The following MAN1A2 variants were observed in gnomAD, a reference collection of about 807,000 sequenced individuals.
MAN1A2 encodes the protein mannosyl-oligosaccharide 1,2-alpha-mannosidase IB.
Under a neutral mutation model 75.7 loss-of-function variants are expected in MAN1A2, and 26 were observed. The ratio of observed to expected loss-of-function variants is 0.34; its 90% CI spans 0.25 to 0.48. The LOEUF (loss-of-function observed/expected upper bound fraction) is 0.48, where lower values mean the gene tolerates loss of function less well. MAN1A2 is among the 20% of genes least tolerant of loss of function. The probability of loss-of-function intolerance (pLI) is 0.99; values close to 1 mark genes in which losing one functional copy is unlikely to be tolerated. For missense variants in MAN1A2, 562 were observed against 775.5 expected, an observed-to-expected ratio of 0.72 and a Z score of 3.27; for synonymous variants, 247 against 264.6, an observed-to-expected ratio of 0.93 and a Z score of 0.65.
chr1:117,511,493 T>TA (rs1042371573), intron 12 of MAN1A2, among the ~76,000 whole-genome samples: 12 of 152,092 alleles, frequency 7.9e-5, no homozygotes, highest in African/African-American at 2.9e-4. Context: ...TTTTTTTTTT[T>TA]AATCTATCTT....
At chr1:117,500,419 G>A (rs1472798094) in intron 11 of MAN1A2, among the ~76,000 whole-genome samples, 1 of 151,808 alleles carries the variant, frequency 6.6e-6, no homozygotes, top group Non-Finnish European at 1.5e-5. Flanking sequence ...TGACTTTTGA[G>A]AATTCCTTAC....
At chr1:117,369,965 C>G (rs1158360191) in intron 1 of MAN1A2, among the ~76,000 whole-genome samples, 1 of 152,062 alleles carries the variant, frequency 6.6e-6, no homozygotes, top group Non-Finnish European at 1.5e-5. Context: ...CTGTCATGTA[C>G]TAAGCAGTTT....
At position 117,368,306 on chromosome 1, in the gene MAN1A2, T is replaced by C; in HGVS notation, c.123T>C (p.Leu41=). The change falls in exon 1 of 13, where the codon CTT becomes CTC. Residue 41 remains leucine, a synonymous_variant. Coordinates refer to ENST00000356554, the MANE Select transcript of MAN1A2 (RefSeq NM_006699.5). ...TTTCTGAGAAGTTTATTCTTCTCCT[T>C]ATTCTTAGTGCCTTCATCACTCTGT... ...LRLSEKFILL[L]ILSAFITLCF... is the part of the protein sequence containing the mutation. 1 of 1,614,160 alleles carries C rather than the reference T, an allele frequency of 6.2e-7. No individual in the cohort carries two copies. The highest frequency in any genetic ancestry group is 8.5e-7 in the Non-Finnish European group (1 of 1,180,008).
intron 8 of MAN1A2, among the ~76,000 whole-genome samples, chr1:117,483,801 T>A (rs898179879): frequency 6.6e-6 from 1 of 152,076 alleles, no homozygotes; most frequent in Admixed American, 6.6e-5. Flanking sequence ...GAGGGCATCC[T>A]TGTCTTGTGC....
intron 1 of MAN1A2, among the ~76,000 whole-genome samples, chr1:117,379,692 T>C (rs538663107): frequency 9.2e-5 from 14 of 152,280 alleles, no homozygotes; most frequent in African/African-American, 3.1e-4. Flanking sequence ...TCTATAGATT[T>C]ACATGCTCTC....
chr1:117,370,738 AGTGT>A lies in MAN1A2; in HGVS notation c.302+2280_302+2283del, dbSNP rs71658400. Among the ~76,000 whole-genome samples the A allele has an allele frequency of 4.9e-3, 726 of 148,292 alleles. 4 individuals are homozygous for A. Among genetic ancestry groups the A allele is most frequent in the African/African-American group, 0.016 (652 of 40,316 alleles). ...ACAAATTGACAGTTTATCTTCATTTAGTGTGTGTGTGTGTGTGTGTGTGTGTGTG... is the reference window on the plus strand; with the variant it reads ...ACAAATTGACAGTTTATCTTCATTTAGTGTGTGTGTGTGTGTGTGTGTGTG... On this transcript the variant is annotated intron_variant, in intron 1 of 12. Coordinates refer to ENST00000356554, the MANE Select transcript of MAN1A2 (RefSeq NM_006699.5).
At chr1:117,460,105 A>C (rs972561468) in intron 6 of MAN1A2, among the ~76,000 whole-genome samples, 2 of 151,650 alleles carry the variant, frequency 1.3e-5, no homozygotes, top group Non-Finnish European at 1.5e-5. Flanking sequence ...TTATGAACTG[A>C]TATGGAAAGA....
At chr1:117,448,800 A>G (rs1649317204) in intron 6 of MAN1A2, among the ~76,000 whole-genome samples, 1 of 152,174 alleles carries the variant, frequency 6.6e-6, no homozygotes, top group Non-Finnish European at 1.5e-5. Context: ...GGAGTGGCAG[A>G]AAAACTACAA....
rs191339785 is a variant in MAN1A2 at position 117,417,688 on chromosome 1, G to A, written c.774+2857G>A. Among the ~76,000 whole-genome samples, 41 of 116,704 alleles carry A rather than the reference G, an allele frequency of 3.5e-4. No individual in the cohort carries two copies. In the South Asian group the frequency reaches 6.9e-3, roughly 20 times the overall value. The allele number at this position is 116,704 out of a possible 152,430, so 76.6% of individuals were successfully genotyped here. A position where few individuals can be genotyped will look rare whatever the true frequency, so the allele number is the denominator to read the frequency against. On this transcript the variant is annotated intron_variant, in intron 4 of 12. Transcript: ENST00000356554. ...CTTTAAGGGTAACTCCAAAGTAGGC[G>A]TGCACACACACACACACACTCTCTC...
At chr1:117,483,357 C>A (rs1650561805) in intron 8 of MAN1A2, among the ~76,000 whole-genome samples, 2 of 152,066 alleles carry the variant, frequency 1.3e-5, no homozygotes, top group Non-Finnish European at 2.9e-5. Context: ...GATAGTGGTT[C>A]TTCCTATCAA....
At chr1:117,448,546 A>G (rs1250246800) in intron 6 of MAN1A2, among the ~76,000 whole-genome samples, 1 of 152,218 alleles carries the variant, frequency 6.6e-6, no homozygotes. Flanking sequence ...TGGAACTTCT[A>G]AAGGTGAGAA....
At chr1:117,472,948 A>G (rs1345036433) in intron 8 of MAN1A2, among the ~76,000 whole-genome samples, 1 of 151,962 alleles carries the variant, frequency 6.6e-6, no homozygotes, top group African/African-American at 2.4e-5. Flanking sequence ...TGTAGAGGTC[A>G]GTCCTCCATT....
At chr1:117,385,938 T>A (rs1653511126) in intron 1 of MAN1A2, among the ~76,000 whole-genome samples, 1 of 152,210 alleles carries the variant, frequency 6.6e-6, no homozygotes, top group Admixed American at 6.5e-5. Flanking sequence ...GGATACTGGA[T>A]GTGTCTGCTT....
chr1:117,486,655 T>C (rs1361296757), intron 8 of MAN1A2, among the ~76,000 whole-genome samples: 1 of 151,936 alleles, frequency 6.6e-6, no homozygotes, highest in Non-Finnish European at 1.5e-5. Context: ...ATAAAATTGA[T>C]TTAATAAAGT....
chr1:117,443,242 T>C (rs1221846806), intron 6 of MAN1A2, among the ~76,000 whole-genome samples: 2 of 152,210 alleles, frequency 1.3e-5, no homozygotes, highest in Non-Finnish European at 2.9e-5. Flanking sequence ...TGAAGAACTT[T>C]ATTGAGTTTA....
chr1:117,416,775 G>A (rs1200632019), intron 4 of MAN1A2, among the ~76,000 whole-genome samples: 4 of 152,130 alleles, frequency 2.6e-5, no homozygotes, highest in Non-Finnish European at 5.9e-5. Context: ...GGGCTCTATG[G>A]AACTGGTACC....
intron 7 of MAN1A2, among the ~76,000 whole-genome samples, chr1:117,465,662 C>T (rs71668698): frequency 6.6e-6 from 1 of 152,090 alleles, no homozygotes; most frequent in African/African-American, 2.4e-5. Flanking sequence ...CATAACACCT[C>T]CTCCCACCTC....
In MAN1A2 at chr1:117,429,586, C is replaced by A. The variant is rs1258552504; in HGVS notation, c.855+8937C>A. 3.9e-3 allele frequency among the ~76,000 whole-genome samples: 372 copies of A among 94,718 alleles called. 4 individuals are homozygous for A. Among genetic ancestry groups the A allele is most frequent in the South Asian group, 0.016 (45 of 2,766 alleles). The allele number at this position is 94,718 out of a possible 152,430, so 62.1% of individuals were successfully genotyped here. On this transcript the variant is annotated intron_variant, in intron 5 of 12. Coordinates refer to ENST00000356554, the MANE Select transcript of MAN1A2 (RefSeq NM_006699.5). Reference sequence around the variant, plus strand: ...GCGGCTGGCCGGGCGGGGGGCTGACCCCCCCACCTCCCTCCCGGATGGGGC... The same window carrying A: ...GCGGCTGGCCGGGCGGGGGGCTGACACCCCCACCTCCCTCCCGGATGGGGC...
chr1:117,443,093 A>G (rs1440695311), intron 6 of MAN1A2, among the ~76,000 whole-genome samples: 1 of 152,178 alleles, frequency 6.6e-6, no homozygotes, highest in East Asian at 1.9e-4. Flanking sequence ...GGAATTTGGA[A>G]ATTACCTAAA....
Sources: allele counts gnomAD v4.1 joint callset (sites outside exome capture counted in the v4.1 genomes callset), GRCh38; gene constraint gnomAD v4.1.1; transcripts MANE v1.5; gene names NCBI Gene and HGNC (gene_info 2026-07-23, HGNC 2026-07-21).